Variants in NPAS3 observed in about 807,000 individuals in gnomAD.
The protein encoded by NPAS3 is neuronal PAS domain protein 3, also known as neuronal PAS domain-containing protein 3.
In NPAS3, 14 loss-of-function variants were observed where a neutral mutation model predicts 73.1. The ratio of observed to expected loss-of-function variants is 0.19; its 90% confidence interval spans 0.13 to 0.30. The LOEUF is 0.30. Among genes scored for constraint, NPAS3 ranks in the 10% least tolerant of loss-of-function variants. The pLI is 1.00. For missense variants in NPAS3, 1,096 were observed against 1,250.0 expected (o/e 0.88, Z 1.86); for synonymous variants, 620 against 541.5 (o/e 1.14, Z -2.01).
intron 2 of NPAS3, among the ~76,000 whole-genome samples, chr14:33,078,614 A>G (rs2041757269): frequency 6.6e-6 from 1 of 152,188 alleles, no homozygotes; most frequent in Non-Finnish European, 1.5e-5. Context: ...TCAGTTAAGA[A>G]AGAGATTGAA....
intron 5 of NPAS3, among the ~76,000 whole-genome samples, chr14:33,584,342 C>T (rs1447340731): frequency 1.3e-5 from 2 of 150,838 alleles, no homozygotes; most frequent in African/African-American, 2.4e-5. Context: ...CACCAGACTG[C>T]CAAAAGGGTC....
At chr14:33,491,195 C>T (rs929004298) in intron 4 of NPAS3, among the ~76,000 whole-genome samples, 1 of 151,832 alleles carries the variant, frequency 6.6e-6, no homozygotes, top group Non-Finnish European at 1.5e-5. Context: ...TTGATATTTC[C>T]AAAGCCAGTC....
rs145883804 is a variant in NPAS3 at position 33,643,028 on chromosome 14, A to G, written c.559-33183A>G. On this transcript the variant is annotated intron_variant, in intron 5 of 11. Coordinates refer to ENST00000356141, the Ensembl canonical transcript of NPAS3. ...GTCATCTCCTCTCGCAATAATCTTC[A>G]TATAAGTAATCATCTCATCATATAT... Among the ~76,000 whole-genome samples, 442 of 152,278 alleles carry G rather than the reference A, an allele frequency of 2.9e-3. 5 individuals carry two copies. Among genetic ancestry groups the G allele is most frequent in the African/African-American group, 9.9e-3 (411 of 41,548 alleles).
chr14:33,282,738 G>A (rs953893932), intron 3 of NPAS3, among the ~76,000 whole-genome samples: 7 of 152,120 alleles, frequency 4.6e-5, no homozygotes, highest in African/African-American at 1.7e-4. Context: ...CTGAATAGGG[G>A]ATAGGCTGGT....
At chr14:33,471,131 A>G (rs2050763974) in intron 4 of NPAS3, among the ~76,000 whole-genome samples, 1 of 152,192 alleles carries the variant, frequency 6.6e-6, no homozygotes, top group Non-Finnish European at 1.5e-5. Context: ...TGATGCTTGT[A>G]CAGTGCTCTG....
intron 1 of NPAS3, among the ~76,000 whole-genome samples, chr14:32,948,799 C>T (rs995456466): frequency 2.0e-5 from 3 of 151,960 alleles, no homozygotes; most frequent in South Asian, 2.1e-4. Flanking sequence ...TCATATATAT[C>T]GATTGCGGTA....
intron 7 of NPAS3, among the ~76,000 whole-genome samples, chr14:33,741,803 C>T (rs941004807): frequency 1.1e-4 from 16 of 152,070 alleles, no homozygotes; most frequent in East Asian, 1.9e-4. Context: ...CTTCATTTTC[C>T]GCTACAGAGA....
chr14:33,043,479 C>T (rs924088245), intron 1 of NPAS3, among the ~76,000 whole-genome samples: 2 of 152,094 alleles, frequency 1.3e-5, no homozygotes, highest in Non-Finnish European at 2.9e-5. Context: ...CTAAATAATA[C>T]TCCTGAGTAC....
At chr14:33,532,552 G>A (rs944796751) in intron 4 of NPAS3, among the ~76,000 whole-genome samples, 3 of 152,016 alleles carry the variant, frequency 2.0e-5, no homozygotes, top group African/African-American at 4.8e-5. Flanking sequence ...CAAGCTCATA[G>A]GGCTCATAAA....
chr14:33,070,509 G>C (rs895198875), intron 2 of NPAS3, among the ~76,000 whole-genome samples: 3 of 152,098 alleles, frequency 2.0e-5, no homozygotes, highest in African/African-American at 4.8e-5. Flanking sequence ...CATCCTATAC[G>C]TCCTAGATGG....
intron 1 of NPAS3, among the ~76,000 whole-genome samples, chr14:32,947,952 C>G (rs2036328503): frequency 1.3e-5 from 2 of 152,010 alleles, no homozygotes; most frequent in Non-Finnish European, 1.5e-5. Context: ...GGCAGTGAGC[C>G]TTTTTGGGAT....
At chr14:33,497,542 C>T (rs1477100206) in intron 4 of NPAS3, among the ~76,000 whole-genome samples, 4 of 152,034 alleles carry the variant, frequency 2.6e-5, no homozygotes, top group Non-Finnish European at 5.9e-5. Context: ...AGAAATAATA[C>T]CACACATCTA....
intron 3 of NPAS3, among the ~76,000 whole-genome samples, chr14:33,250,732 G>A (rs1444885380): frequency 1.3e-5 from 2 of 151,734 alleles, no homozygotes; most frequent in African/African-American, 2.4e-5. Context: ...TTTGTTTTAC[G>A]GTTGCTCATT....
At chr14:33,059,483 T>C (rs2041012364) in intron 2 of NPAS3, among the ~76,000 whole-genome samples, 1 of 152,038 alleles carries the variant, frequency 6.6e-6, no homozygotes, top group African/African-American at 2.4e-5. Context: ...GGTAGGTATA[T>C]AGTGTTTTAA....
At chr14:33,564,787 A>G (rs1030507523) in intron 5 of NPAS3, among the ~76,000 whole-genome samples, 1 of 152,230 alleles carries the variant, frequency 6.6e-6, no homozygotes, top group Admixed American at 6.5e-5. Context: ...CACCTATCCC[A>G]GCAAAGTGCA....
At chr14:33,213,218 A>G (rs1277679839) in intron 2 of NPAS3, among the ~76,000 whole-genome samples, 1 of 132,450 alleles carries the variant, frequency 7.6e-6, no homozygotes, top group Non-Finnish European at 1.6e-5. Flanking sequence ...CTAGAGCCCC[A>G]TCATAGTCAC....
chr14:33,175,518 G>A (rs1017704219), intron 2 of NPAS3, among the ~76,000 whole-genome samples: 7 of 152,074 alleles, frequency 4.6e-5, no homozygotes, highest in African/African-American at 1.7e-4. Flanking sequence ...GTGTTAAAAT[G>A]GTTATAGGAA....
intron 6 of NPAS3, among the ~76,000 whole-genome samples, chr14:33,705,917 C>T (rs531167248): frequency 6.6e-6 from 1 of 152,226 alleles, no homozygotes; most frequent in South Asian, 2.1e-4. Flanking sequence ...AGTTTAATAC[C>T]ATAATGAAAA....
intron 4 of NPAS3, among the ~76,000 whole-genome samples, chr14:33,525,298 T>C (rs1056874409): frequency 6.6e-6 from 1 of 152,154 alleles, no homozygotes; most frequent in African/African-American, 2.4e-5. Context: ...GGAAACAAAA[T>C]CAGAAGTTAG....
Sources: allele counts gnomAD v4.1 joint callset (sites outside exome capture counted in the v4.1 genomes callset), GRCh38; gene constraint gnomAD v4.1.1; transcripts MANE v1.5; gene names NCBI Gene and HGNC (gene_info 2026-07-23, HGNC 2026-07-21).